MMP26: variants seen among roughly 807,000 people sequenced by gnomAD.
MMP26 encodes matrix metalloproteinase-26.
Under a neutral mutation model 31.0 loss-of-function variants are expected in MMP26, and 33 were observed. The observed-to-expected ratio is 1.06, with a 90% confidence interval of 0.81 to 1.42. MMP26 has a LOEUF of 1.42. Ranked by LOEUF, MMP26 falls within the 40% of genes most tolerant of loss-of-function variation. The probability of loss-of-function intolerance (pLI) is 0.00; values close to 1 mark genes in which losing one functional copy is unlikely to be tolerated. For synonymous variants in MMP26, 122 were observed against 114.9 expected (o/e 1.06, Z -0.40); for missense variants, 347 against 316.1 (o/e 1.10, Z -0.74).
intron 2 of MMP26, chr11:4,877,140 G>A (rs1850393133): frequency 6.6e-6 from 1 of 152,196 alleles, no homozygotes; most frequent in Non-Finnish European, 1.5e-5. Context: ...TGCTGACACT[G>A]GTGTCAATAG....
At position 4,988,262 on chromosome 11, in the gene MMP26, C is replaced by A; in HGVS notation, c.51C>A (p.Ala17=). 2 of 1,614,004 alleles carry A rather than the reference C, an allele frequency of 1.2e-6. No homozygotes were observed. The highest frequency in any genetic ancestry group is 2.2e-5 in the East Asian group (1 of 44,858). ...CTATCTTCTTGCCCTGGTGTTTCGC[C>A]GTTCCAGTGCCCCCTGCTGCAGACC... is the stretch of plus-strand genomic sequence containing the variant. ...RVTIFLPWCF[A]VPVPPAADHK... The change falls in exon 3 of 8, where the codon GCC becomes GCA. Residue 17 remains alanine (A), a synonymous_variant. Transcript: ENST00000380390.
Position 4,989,777 on chromosome 11 carries a change from C to G in MMP26, c.229C>G (p.Leu77Val). The G allele has an allele frequency of 6.2e-7, 1 of 1,613,938 alleles. No individual in the cohort carries two copies. Among genetic ancestry groups the G allele is most frequent in the Non-Finnish European group, 8.5e-7 (1 of 1,180,018 alleles). Residue 77 changes from leucine (L) to valine (V), a missense_variant, in exon 4 of 8, where the codon CTA (leucine) becomes GTA (valine). Coordinates refer to ENST00000380390, the MANE Select transcript of MMP26 (RefSeq NM_021801.5). ...DLLDMQMHAL[L>V]HQPHCGVPDG... ...ACTTGACATGCAGATGCATGCTCTG[C>G]TACACCAGCCCCACTGTGGGGTGCC... is the stretch of plus-strand genomic sequence containing the variant.
chr11:4,857,527 A>G (rs1850072513), intron 2 of MMP26, among the ~76,000 whole-genome samples: 1 of 152,208 alleles, frequency 6.6e-6, no homozygotes, highest in South Asian at 2.1e-4. Context: ...TAAACCAGGA[A>G]GAAGTTGAAT....
chr11:4,792,369 G>A (rs925013618), intron 2 of MMP26, among the ~76,000 whole-genome samples: 40 of 152,012 alleles, frequency 2.6e-4, no homozygotes, highest in Admixed American at 7.2e-4. Flanking sequence ...ACACCCTATC[G>A]CCCTCCCTCC....
intron 2 of MMP26, among the ~76,000 whole-genome samples, chr11:4,874,574 G>GTGTC (rs1489135718): frequency 6.6e-6 from 1 of 151,712 alleles, no homozygotes; most frequent in Non-Finnish European, 1.5e-5. Flanking sequence ...TGGTGTGTGT[G>GTGTC]TGTGTGTGTG....
intron 2 of MMP26, among the ~76,000 whole-genome samples, chr11:4,873,788 A>G (rs970564292): frequency 9.2e-5 from 14 of 152,048 alleles, no homozygotes; most frequent in African/African-American, 3.1e-4. Context: ...TAACAACCCT[A>G]TGGTAGGTAC....
intron 2 of MMP26, chr11:4,787,469 C>T (rs1848963907): frequency 1.3e-5 from 2 of 152,240 alleles, no homozygotes; most frequent in Non-Finnish European, 2.9e-5. Context: ...CGGAGGAAGG[C>T]CTTCGACACT....
At chr11:4,757,934 A>C (rs1225077144) in intron 1 of MMP26, among the ~76,000 whole-genome samples, 1 of 152,166 alleles carries the variant, frequency 6.6e-6, no homozygotes, top group Admixed American at 6.5e-5. Context: ...CCACTTTGAA[A>C]AACAGATTGA....
chr11:4,929,914 TGAATGCA>T (rs1851322959), intron 2 of MMP26, among the ~76,000 whole-genome samples: 1 of 152,086 alleles, frequency 6.6e-6, no homozygotes, highest in Non-Finnish European at 1.5e-5. Context: ...AGCAATAGTA[TGAATGCA>T]TATTTTGTTT....
In MMP26 at chr11:4,746,591, A is replaced by G. The variant is rs1848382777; in HGVS notation, c.-216-20679A>G. ...GGTGGCTCACGCCTGTAATCCCAGT[A>G]CTTTGGGAGGCTGGTGGGTGGATCA... On this transcript the variant is annotated intron_variant, in intron 1 of 7. Coordinates refer to ENST00000380390, the MANE Select transcript of MMP26 (RefSeq NM_021801.5). 2.6e-5 allele frequency among the ~76,000 whole-genome samples: 4 copies of G among 152,094 alleles called. No individual in the cohort carries two copies. The South Asian group carries it at 8.3e-4, about 32-fold the overall frequency.
intron 2 of MMP26, among the ~76,000 whole-genome samples, chr11:4,865,584 TTCC>T (rs201125211): frequency 0.02 from 3,098 of 151,962 alleles, 77 homozygotes; most frequent in African/African-American, 0.065. Context: ...ATTCTTCTTC[TTCC>T]TCCTCCTCCT....
intron 2 of MMP26, among the ~76,000 whole-genome samples, chr11:4,790,526 G>A (rs1234836728): frequency 6.6e-6 from 1 of 152,164 alleles, no homozygotes; most frequent in East Asian, 1.9e-4. Flanking sequence ...TCTTCCAGAA[G>A]AAGGTATGTA....
chr11:4,873,551 T>C (rs1850338244), intron 2 of MMP26, among the ~76,000 whole-genome samples: 1 of 152,074 alleles, frequency 6.6e-6, no homozygotes, highest in Non-Finnish European at 1.5e-5. Context: ...TAATACAGAA[T>C]TTGATCAAAA....
intron 2 of MMP26, among the ~76,000 whole-genome samples, chr11:4,985,006 G>A (rs949718857): frequency 1.3e-5 from 2 of 151,990 alleles, no homozygotes; most frequent in African/African-American, 2.4e-5. Context: ...TTTTGAATAA[G>A]TTTTAGTCAT....
intron 2 of MMP26, among the ~76,000 whole-genome samples, chr11:4,845,490 A>G (rs906472280): frequency 8.5e-5 from 13 of 152,172 alleles, no homozygotes; most frequent in Non-Finnish European, 2.9e-5. Flanking sequence ...TGGGGAAACT[A>G]CTACAAAAAA....
chr11:4,864,536 T>A (rs1564796527), intron 2 of MMP26, among the ~76,000 whole-genome samples: 1 of 152,218 alleles, frequency 6.6e-6, no homozygotes, highest in Non-Finnish European at 1.5e-5. Context: ...CATTTATTTT[T>A]AATTTCTAAA....
At chr11:4,883,957 T>TTA (rs1850513989) in intron 2 of MMP26, among the ~76,000 whole-genome samples, 1 of 152,080 alleles carries the variant, frequency 6.6e-6, no homozygotes, top group African/African-American at 2.4e-5. Flanking sequence ...TCTCCTCCCC[T>TTA]TATATAAACT....
At chr11:4,772,020 G>T (rs1469751) in intron 2 of MMP26, among the ~76,000 whole-genome samples, 5 of 151,966 alleles carry the variant, frequency 3.3e-5, no homozygotes, top group Non-Finnish European at 7.4e-5. Context: ...GATGAGGAAG[G>T]ATAGACTACA....
intron 2 of MMP26, among the ~76,000 whole-genome samples, chr11:4,983,676 G>A (rs1057494346): frequency 2.0e-5 from 3 of 152,052 alleles, no homozygotes; most frequent in Admixed American, 1.3e-4. Flanking sequence ...CCATAGTTCT[G>A]ATTTTAAAAA....
Sources: allele counts gnomAD v4.1 joint callset (sites outside exome capture counted in the v4.1 genomes callset), GRCh38; gene constraint gnomAD v4.1.1; transcripts MANE v1.5; gene names NCBI Gene and HGNC (gene_info 2026-07-23, HGNC 2026-07-21).